The following ABCD3 variants were observed in gnomAD, a reference collection of about 807,000 sequenced individuals.
ABCD3 encodes ATP-binding cassette sub-family D member 3.
In ABCD3, 41 loss-of-function variants were observed where a neutral mutation model predicts 105.5. That is an observed-to-expected ratio of 0.39 (90% CI 0.30 to 0.50). ABCD3 has a LOEUF of 0.50. ABCD3 is among the 20% of genes least tolerant of loss of function. The pLI is 0.84. For missense variants in ABCD3, 622 were observed against 806.3 expected (o/e 0.77, Z 2.77); for synonymous variants, 258 against 269.0 (o/e 0.96, Z 0.40).
At chr1:94,495,377 T>C (rs748051575) in intron 16 of ABCD3, among the ~76,000 whole-genome samples, 3 of 152,178 alleles carry the variant, frequency 2.0e-5, no homozygotes, top group Admixed American at 2.0e-4. Context: ...GTTAAGAACT[T>C]AATTTTCAGT....
At chr1:94,460,266 A>C (rs893327754) in intron 2 of ABCD3, among the ~76,000 whole-genome samples, 1 of 152,128 alleles carries the variant, frequency 6.6e-6, no homozygotes, top group African/African-American at 2.4e-5. Context: ...CAATTCTCAC[A>C]TCTGGTATGT....
At chr1:94,395,178 A>G in the ABCD3 span, among the ~76,000 whole-genome samples, 39 of 152,140 alleles carry the variant, frequency 2.6e-4, no homozygotes, top group Non-Finnish European at 4.7e-4. Context: ...TCCCCCTAGC[A>G]AGAGGGTTAT....
chr1:94,414,973 T>C (rs1436001657), upstream of ABCD3, among the ~76,000 whole-genome samples: 2 of 152,186 alleles, frequency 1.3e-5, no homozygotes, highest in African/African-American at 4.8e-5. Flanking sequence ...AAGGCTTGAC[T>C]GAGGATGGAG....
At chr1:94,493,975 A>G (rs988062626) in intron 16 of ABCD3, among the ~76,000 whole-genome samples, 35 of 152,130 alleles carry the variant, frequency 2.3e-4, no homozygotes, top group African/African-American at 8.2e-4. Context: ...GGATAGCATT[A>G]GGAGATATAC....
intron 10 of ABCD3, among the ~76,000 whole-genome samples, chr1:94,484,141 C>CA (rs1239829391): frequency 1.3e-5 from 2 of 151,938 alleles, no homozygotes; most frequent in Non-Finnish European, 2.9e-5. Flanking sequence ...CAGGAAACAA[C>CA]GTGCTGGAGA....
intron 1 of ABCD3, chr1:94,419,165 C>G (rs1659153177): frequency 2.4e-5 from 10 of 421,986 alleles, no homozygotes; most frequent in Non-Finnish European, 3.2e-5. Context: ...GCAGGATTGC[C>G]GTCTAAAGTG....
chr1:94,478,220 T>C (rs1411600551), intron 7 of ABCD3, 39 bp from the exon 8 acceptor site: 2 of 1,228,740 alleles, frequency 1.6e-6, no homozygotes, highest in South Asian at 2.5e-5. Flanking sequence ...TTCTAGTGCT[T>C]TAGTTTTAAT....
At chr1:94,489,554 T>G (rs1649431328) in intron 13 of ABCD3, among the ~76,000 whole-genome samples, 171 bp from the exon 14 acceptor site, 1 of 146,006 alleles carries the variant, frequency 6.8e-6, no homozygotes, top group South Asian at 2.3e-4. Flanking sequence ...CCTGCTCTCC[T>G]ACTGAAACAT....
chr1:94,466,473 C>T (rs1181841326), intron 3 of ABCD3, among the ~76,000 whole-genome samples: 1 of 152,162 alleles, frequency 6.6e-6, no homozygotes, highest in Non-Finnish European at 1.5e-5. Context: ...AAATCACAAC[C>T]TGACTTTGGC....
At chr1:94,422,906 C>T (rs1659314822) in intron 1 of ABCD3, among the ~76,000 whole-genome samples, 1 of 152,148 alleles carries the variant, frequency 6.6e-6, no homozygotes, top group Admixed American at 6.5e-5. Flanking sequence ...CAGAACAAAG[C>T]AGTTTCTTTC....
chr1:94,478,385 T>C, intron 8 of ABCD3, 70 bp downstream of exon 8: 1 of 1,282,256 alleles, frequency 7.8e-7, no homozygotes, highest in Non-Finnish European at 1.1e-6. Flanking sequence ...TGTGAATAGC[T>C]TGATGGCCTG....
chr1:94,468,954 C>A (rs1336153033), intron 4 of ABCD3, among the ~76,000 whole-genome samples: 6 of 152,120 alleles, frequency 3.9e-5, no homozygotes, highest in Non-Finnish European at 8.8e-5. Context: ...CCCTCACATT[C>A]CACCCAAGTC....
chr1:94,457,756 G>A (rs1647651711), intron 1 of ABCD3, among the ~76,000 whole-genome samples: 2 of 152,092 alleles, frequency 1.3e-5, no homozygotes, highest in South Asian at 4.1e-4. Flanking sequence ...TATATGGTTG[G>A]CTGAAGTTAT....
intron 3 of ABCD3, among the ~76,000 whole-genome samples, chr1:94,465,725 G>A (rs2100977023): frequency 6.6e-6 from 1 of 152,280 alleles, no homozygotes; most frequent in Non-Finnish European, 1.5e-5. Flanking sequence ...GAAGTGAGCT[G>A]CTTATACGAA....
At position 94,518,158 on chromosome 1, in the gene ABCD3, A is replaced by G. The variant is rs1051258966; in HGVS notation, c.*1029A>G. ...TGTTTTATCTCTGTGAATCTTGAAT[A>G]ACTTTTTTATATTTGGGTTATGATG... On this transcript the variant is annotated 3_prime_UTR_variant, in exon 23 of 23. Transcript: ENST00000370214. 6.6e-6 allele frequency: 1 copy of G among 152,298 alleles called. No individual in the cohort carries two copies. The highest frequency in any genetic ancestry group is 2.4e-5 in the African/African-American group (1 of 41,422). 9.4% of individuals were successfully genotyped at this position (152,298 alleles called of 1,614,324 possible). A position where few individuals can be genotyped will look rare whatever the true frequency, so the allele number is the denominator to read the frequency against.
At chr1:94,452,737 T>C (rs376768403) in intron 1 of ABCD3, among the ~76,000 whole-genome samples, 6 of 151,958 alleles carry the variant, frequency 3.9e-5, no homozygotes, top group African/African-American at 1.4e-4. Context: ...TTTTTGTTTG[T>C]TTGTTTGTTT....
chr1:94,496,595 A>T (rs1027472949), intron 16 of ABCD3, among the ~76,000 whole-genome samples: 1 of 150,484 alleles, frequency 6.6e-6, no homozygotes, highest in Non-Finnish European at 1.5e-5. Context: ...AGTTCTTTCA[A>T]TGCCTGCCAC....
intron 1 of ABCD3, among the ~76,000 whole-genome samples, chr1:94,447,615 TCA>T (rs779076067): frequency 5.3e-4 from 80 of 152,230 alleles, no homozygotes; most frequent in Non-Finnish European, 1.1e-3. Context: ...TAAAAAATTT[TCA>T]CAGTGTTACA....
At chr1:94,471,316 G>C (rs1203883336) in intron 4 of ABCD3, among the ~76,000 whole-genome samples, 1 of 151,996 alleles carries the variant, frequency 6.6e-6, no homozygotes, top group Non-Finnish European at 1.5e-5. Context: ...CCAACACTTT[G>C]GGAAGTTGAG....
Sources: allele counts gnomAD v4.1 joint callset (sites outside exome capture counted in the v4.1 genomes callset), GRCh38; gene constraint gnomAD v4.1.1; transcripts MANE v1.5; gene names NCBI Gene and HGNC (gene_info 2026-07-23, HGNC 2026-07-21).